Variants in AMHR2 observed in about 807,000 individuals in gnomAD.
The protein encoded by AMHR2 is anti-Muellerian hormone type-2 receptor.
Under a neutral mutation model 61.4 loss-of-function variants are expected in AMHR2, and 36 were observed. That is an observed-to-expected ratio of 0.59 (90% CI 0.45 to 0.77). The LOEUF (loss-of-function observed/expected upper bound fraction) is 0.77, where lower values mean the gene tolerates loss of function less well. AMHR2 is among the 30% of genes least tolerant of loss of function. The probability of loss-of-function intolerance (pLI) is 0.00; values close to 1 mark genes in which losing one functional copy is unlikely to be tolerated. For synonymous variants in AMHR2, 258 were observed against 279.4 expected, an observed-to-expected ratio of 0.92 and a Z score of 0.76; for missense variants, 638 against 714.6, an observed-to-expected ratio of 0.89 and a Z score of 1.22.
In AMHR2 at chr12:53,431,374, C is replaced by T. The variant is rs547147698; in HGVS notation, c.1623C>T (p.Ile541=). The change falls in exon 11 of 11, where the codon ATC becomes ATT. Residue 541 remains isoleucine, a synonymous_variant. Transcript: ENST00000257863. ...GTACTTCAATTCCTGCCCCTACCAT[C>T]CTCCCCTGTAGGCCTCAGCGGAGTG... ...EDCTSIPAPT[I]LPCRPQRSAC... The T allele has an allele frequency of 6.2e-7, 1 of 1,614,254 alleles. No individual in the cohort carries two copies. Among genetic ancestry groups the T allele is most frequent in the South Asian group, 1.1e-5 (1 of 91,088 alleles).
In AMHR2 at chr12:53,431,196, A is replaced by G; in HGVS notation, c.1445A>G (p.Glu482Gly). The change falls in exon 11 of 11, where the codon GAG becomes GGG. Residue 482 changes from glutamate (E) to glycine (G), a missense_variant. Transcript: ENST00000257863. ...CFATDPDGLR[E>G]LLEDCWDADP... is the part of the protein sequence containing the mutation. ...CCCCAGGACCCTGATGGGCTGAGGG[A>G]GCTCCTAGAAGACTGTTGGGATGCA... The G allele has an allele frequency of 2.5e-6, 4 of 1,614,112 alleles. No individual in the cohort carries two copies. Among genetic ancestry groups the G allele is most frequent in the East Asian group, 2.2e-5 (1 of 44,882 alleles).
At chr12:53,429,032 A>G (rs775478211) in intron 7 of AMHR2, 22 bp downstream of exon 7, 112 of 1,528,456 alleles carry the variant, frequency 7.3e-5, no homozygotes, top group Admixed American at 1.2e-4. Context: ...GGGCATAGGA[A>G]GTCAAGGGAG....
In AMHR2 at chr12:53,431,363, G is replaced by A. The variant is rs116281343; in HGVS notation, c.1612G>A (p.Ala538Thr). Residue 538 changes from alanine to threonine, a missense_variant, in exon 11 of 11, where the codon GCC becomes ACC. Physicochemically the swap from Ala to Thr is moderately conservative, Grantham distance 58. Coordinates refer to ENST00000257863, the MANE Select transcript of AMHR2 (RefSeq NM_020547.3). Reference protein sequence around the residue: ...LCPEDCTSIPAPTILPCRPQR... With the variant: ...LCPEDCTSIPTPTILPCRPQR... ...CCCAGAAGACTGTACTTCAATTCCT[G>A]CCCCTACCATCCTCCCCTGTAGGCC... 5.9e-5 allele frequency: 95 copies of A among 1,614,172 alleles called. 1 individual carries two copies. The East Asian group carries it at 1.9e-3, about 32-fold the overall frequency.
intron 4 of AMHR2, 86 bp from the exon 5 acceptor site, chr12:53,425,369 C>T: frequency 1.2e-6 from 2 of 1,604,146 alleles, no homozygotes; most frequent in Non-Finnish European, 1.7e-6. Context: ...ACTCCCATGA[C>T]CTCTCACAAA....
At position 53,423,888 on chromosome 12, in the gene AMHR2, T is replaced by C. The variant is rs370806561; in HGVS notation, c.-47T>C. The C allele has an allele frequency of 6.8e-6, 11 of 1,609,898 alleles. No homozygotes were observed. The African/African-American group carries it at 1.5e-4, about 22-fold the overall frequency. On this transcript the variant is annotated 5_prime_UTR_variant, in exon 1 of 11. Transcript: ENST00000257863. ...AGAAAGATTTGGCCAGGGGCAGCTGTGCTGGCTTATGCTCTTCTCCTTCTG... is the reference window on the plus strand; with the variant it reads ...AGAAAGATTTGGCCAGGGGCAGCTGCGCTGGCTTATGCTCTTCTCCTTCTG...
At position 53,429,909 on chromosome 12, in the gene AMHR2, C is replaced by A. The variant is rs761052310; in HGVS notation, c.1219C>A (p.Arg407=). 1.9e-6 allele frequency: 3 copies of A among 1,614,174 alleles called. No homozygotes were observed. The highest frequency in any genetic ancestry group is 2.2e-5 in the East Asian group (1 of 44,880). ...ACAGGATTGGGGCATGGCCCTCCGA[C>A]GAGCTGATATTTACTCTTTGGCTCT... ...DLQDWGMALR[R]ADIYSLALLL... The change falls in exon 9 of 11, where the codon CGA becomes AGA. Residue 407 remains arginine, a synonymous_variant. Coordinates refer to ENST00000257863, the MANE Select transcript of AMHR2 (RefSeq NM_020547.3).
At chr12:53,429,423 A>T (rs751416344) in intron 7 of AMHR2, 30 bp from the exon 8 acceptor site, 1 of 1,598,170 alleles carries the variant, frequency 6.3e-7, no homozygotes, top group East Asian at 2.2e-5. Flanking sequence ...AAGAAAATCC[A>T]TGTTCCTTCA....
intron 6 of AMHR2, among the ~76,000 whole-genome samples, chr12:53,428,070 T>C (rs1040583084): frequency 1.3e-5 from 2 of 152,244 alleles, no homozygotes; most frequent in Admixed American, 1.3e-4. Context: ...ATATACCTCC[T>C]GGCCCAGCTC....
At position 53,430,278 on chromosome 12, in the gene AMHR2, C is replaced by T. The variant is rs1940000442; in HGVS notation, c.1421C>T (p.Ala474Val). The T allele has an allele frequency of 1.2e-6, 2 of 1,614,188 alleles. No homozygotes were observed. The highest frequency in any genetic ancestry group is 2.2e-5 in the South Asian group (2 of 91,086). The stretch of plus-strand genomic sequence containing the variant: ...ATCCCATCCACCTGGCGCTGCTTTG[C>T]CACAGTAAGAGGCCTAGGCTGTTGG... Reference protein sequence around the residue: ...PYIPSTWRCFATDPDGLRELL... With the variant: ...PYIPSTWRCFVTDPDGLRELL... Residue 474 changes from alanine to valine, a missense_variant, in exon 10 of 11, where the codon GCC becomes GTC. Coordinates refer to ENST00000257863, the MANE Select transcript of AMHR2 (RefSeq NM_020547.3).
At position 53,423,910 on chromosome 12, in the gene AMHR2, T is replaced by G. The variant is rs1424434332; in HGVS notation, c.-25T>G. On this transcript the variant is annotated 5_prime_UTR_variant, in exon 1 of 11. Transcript: ENST00000257863. ...CTGTGCTGGCTTATGCTCTTCTCCT[T>G]CTGCTGCTGCCATCCTCCAGCAAGA... 4 of 1,613,812 alleles carry G rather than the reference T, an allele frequency of 2.5e-6. No individual in the cohort carries two copies. The highest frequency in any genetic ancestry group is 1.1e-5 in the South Asian group (1 of 91,068).
rs564754384 is a variant in AMHR2 at position 53,424,577 on chromosome 12, G to A, written c.232+107G>A. The A allele has an allele frequency of 2.8e-5, 43 of 1,549,718 alleles. No individual in the cohort carries two copies. The East Asian group carries it at 9.6e-4, about 35-fold the overall frequency. On this transcript the variant is annotated intron_variant, in intron 2 of 10. Coordinates refer to ENST00000257863, the MANE Select transcript of AMHR2 (RefSeq NM_020547.3). The stretch of plus-strand genomic sequence containing the variant: ...AGGGGAGAAATAGAACATCTGGTGG[G>A]AAAGAAAAGCCCATGAGAGCTGGAA...
rs762523718 is a variant in AMHR2, at chr12:53,429,876, C to G, written c.1186C>G (p.Leu396Val). Residue 396 changes from leucine to valine, a missense_variant, in exon 9 of 11, where the codon CTG becomes GTG. Coordinates refer to ENST00000257863, the MANE Select transcript of AMHR2 (RefSeq NM_020547.3). ...YMAPELLDKT[L>V]DLQDWGMALR... ...GGCACCAGAGCTCTTGGACAAGACT[C>G]TGGACCTACAGGATTGGGGCATGGC... 7 of 1,614,096 alleles carry G rather than the reference C, an allele frequency of 4.3e-6. No individual in the cohort carries two copies. Among genetic ancestry groups the G allele is most frequent in the Non-Finnish European group, 5.9e-6 (7 of 1,180,040 alleles).
chr12:53,426,858 T>G (rs2136954455), intron 6 of AMHR2, among the ~76,000 whole-genome samples: 1 of 151,738 alleles, frequency 6.6e-6, no homozygotes, highest in South Asian at 2.1e-4. Flanking sequence ...AATTTTTGCA[T>G]TTTTAGTAGA....
At position 53,431,442 on chromosome 12, in the gene AMHR2, C is replaced by G; in HGVS notation, c.1691C>G (p.Pro564Arg). 2.5e-6 allele frequency: 4 copies of G among 1,614,250 alleles called. No homozygotes were observed. The highest frequency in any genetic ancestry group is 2.5e-6 in the Non-Finnish European group (3 of 1,180,050). ...SVQQGPCSRN[P>R]QPACTLSPV ...CAGCAAGGCCCTTGTTCCAGGAATC[C>G]TCAGCCTGCCTGTACCCTTTCTCCT... Residue 564 changes from proline to arginine, a missense_variant, in exon 11 of 11, where the codon CCT becomes CGT. Pro to Arg is a moderately radical substitution (Grantham distance 103). Coordinates refer to ENST00000257863, the MANE Select transcript of AMHR2 (RefSeq NM_020547.3).
Position 53,431,362 on chromosome 12 carries a change from T to C in AMHR2, c.1611T>C (p.Pro537=). The part of the protein sequence containing the change: ...PLCPEDCTSI[P]APTILPCRPQ... ...GCCCAGAAGACTGTACTTCAATTCC[T>C]GCCCCTACCATCCTCCCCTGTAGGC... The change falls in exon 11 of 11, where the codon CCT becomes CCC. Residue 537 remains proline (P), a synonymous_variant. Transcript: ENST00000257863. 3 of 1,614,226 alleles carry C rather than the reference T, an allele frequency of 1.9e-6. No homozygotes were observed. Among genetic ancestry groups the C allele is most frequent in the Non-Finnish European group, 2.5e-6 (3 of 1,180,044 alleles).
chr12:53,431,102 A>G (rs938657598), intron 10 of AMHR2, 75 bp from the exon 11 acceptor site: 4 of 1,544,488 alleles, frequency 2.6e-6, no homozygotes, highest in Middle Eastern at 4.6e-4. Flanking sequence ...AGTGATGGAC[A>G]CTGAAGATGG....
At chr12:53,428,533 T>C (rs1012794620) in intron 6 of AMHR2, among the ~76,000 whole-genome samples, 6 of 152,140 alleles carry the variant, frequency 3.9e-5, no homozygotes, top group African/African-American at 1.4e-4. Flanking sequence ...CAAGCTCCAC[T>C]CCTGCCTCAC....
intron 10 of AMHR2, 78 bp from the exon 11 acceptor site, chr12:53,431,099 G>T: frequency 6.6e-7 from 1 of 1,525,336 alleles, no homozygotes; most frequent in Non-Finnish European, 9.1e-7. Context: ...GAGAGTGATG[G>T]ACACTGAAGA....
chr12:53,429,733 AT>A, intron 8 of AMHR2, 97 bp from the exon 9 acceptor site: 1 of 1,602,016 alleles, frequency 6.2e-7, no homozygotes, highest in Non-Finnish European at 8.5e-7. Context: ...CATTTGGGAC[AT>A]TGCTGAGTCT....
Sources: gnomAD v4.1 joint callset for allele counts (sites outside exome capture counted in the v4.1 genomes callset) on GRCh38, gnomAD v4.1.1 for gene constraint, MANE v1.5 for transcripts, NCBI Gene and HGNC (gene_info 2026-07-23, HGNC 2026-07-21) for gene names.